Variants in IRF2 observed in about 807,000 individuals in gnomAD.
IRF2 encodes interferon regulatory factor 2.
Under a neutral mutation model 40.6 loss-of-function variants are expected in IRF2, and 15 were observed. The ratio of observed to expected loss-of-function variants is 0.37; its 90% CI spans 0.25 to 0.57. The LOEUF (loss-of-function observed/expected upper bound fraction) is 0.57. IRF2 is among the 20% of genes least tolerant of loss of function. The pLI is 0.77. For missense variants in IRF2, 317 were observed against 455.7 expected (o/e 0.70, Z 2.77); for synonymous variants, 151 against 165.5 (o/e 0.91, Z 0.67).
intron 5 of IRF2, among the ~76,000 whole-genome samples, chr4:184,414,524 T>A (rs1737192135): frequency 6.6e-6 from 1 of 152,170 alleles, no homozygotes; most frequent in Non-Finnish European, 1.5e-5. Context: ...TGTTCTTATT[T>A]CCTTAGATAA....
chr4:184,402,783 C>T (rs1026620603), intron 6 of IRF2, among the ~76,000 whole-genome samples: 6 of 152,112 alleles, frequency 3.9e-5, no homozygotes, highest in Non-Finnish European at 8.8e-5. Context: ...GCTGTGGGTG[C>T]GAGGGCTGGG....
chr4:184,458,009 A>G lies in IRF2; in HGVS notation c.-7+16370T>C, dbSNP rs958273662. Among the ~76,000 whole-genome samples the G allele has an allele frequency of 2.6e-5, 4 of 152,304 alleles. No homozygotes were observed. In the East Asian group the frequency reaches 7.7e-4, roughly 29 times the overall value. ...TTCCAGCCACCCTGGAGAGTGGTCC[A>G]TGCACCAGGAACGGAAGAAACTGTC... On this transcript the variant is annotated intron_variant, in intron 1 of 8. Coordinates refer to ENST00000393593, the MANE Select transcript of IRF2 (RefSeq NM_002199.4).
intron 7 of IRF2, among the ~76,000 whole-genome samples, chr4:184,391,153 T>C (rs1011904753): frequency 2.6e-5 from 4 of 152,218 alleles, no homozygotes; most frequent in African/African-American, 9.6e-5. Flanking sequence ...ATTATCCCCA[T>C]CCCACTCAGA....
At chr4:184,446,407 A>G (rs1738510728) in intron 1 of IRF2, among the ~76,000 whole-genome samples, 1 of 152,188 alleles carries the variant, frequency 6.6e-6, no homozygotes, top group Non-Finnish European at 1.5e-5. Flanking sequence ...TAGACACAGG[A>G]GGGAGACCAC....
At chr4:184,452,893 G>A (rs370938376) in intron 1 of IRF2, among the ~76,000 whole-genome samples, 2 of 151,754 alleles carry the variant, frequency 1.3e-5, no homozygotes, top group South Asian at 4.2e-4. Context: ...CACTATGGGA[G>A]TATAAAATAG....
chr4:184,457,867 G>C (rs1408175635), intron 1 of IRF2, among the ~76,000 whole-genome samples: 1 of 151,528 alleles, frequency 6.6e-6, no homozygotes, highest in Non-Finnish European at 1.5e-5. Context: ...AAAGAAAAAA[G>C]CTGGCTGTAT....
chr4:184,403,785 C>T (rs7655371), intron 6 of IRF2, among the ~76,000 whole-genome samples: 43,610 of 152,108 alleles, frequency 0.29, 6,459 homozygotes, highest in Middle Eastern at 0.37. Flanking sequence ...AGGCTCAGAA[C>T]TAATAGTGAC....
Position 184,418,183 on chromosome 4 carries a change from T to G in IRF2, c.395A>C (p.Lys132Thr). ...CAAGATTACCTTGATGTGCTTAACT[T>G]TGTCTTCTTTTTCTGTCTTTGGTTT... The part of the protein sequence containing the change: ...GKKPKTEKED[K>T]VKHIKQEPVE... The change falls in exon 5 of 9, where the codon AAA becomes ACA. Residue 132 changes from lysine (K) to threonine (T), a missense_variant. Physicochemically the swap from Lys to Thr is moderately conservative, Grantham distance 78. Transcript: ENST00000393593. The G allele has an allele frequency of 5.6e-6, 9 of 1,613,996 alleles. No homozygotes were observed. The highest frequency in any genetic ancestry group is 7.6e-6 in the Non-Finnish European group (9 of 1,179,830).
At chr4:184,406,232 C>T (rs1579811045) in intron 6 of IRF2, among the ~76,000 whole-genome samples, 1 of 134,422 alleles carries the variant, frequency 7.4e-6, no homozygotes. Context: ...TACTTTTTAT[C>T]TTTTTTTTTT....
chr4:184,410,610 A>G (rs1737036390), intron 5 of IRF2, among the ~76,000 whole-genome samples: 1 of 152,110 alleles, frequency 6.6e-6, no homozygotes, highest in African/African-American at 2.4e-5. Context: ...AACTCCCTCA[A>G]AAAGAACTAA....
chr4:184,439,099 T>C (rs2149908265), intron 1 of IRF2, among the ~76,000 whole-genome samples: 1 of 152,246 alleles, frequency 6.6e-6, no homozygotes, highest in African/African-American at 2.4e-5. Context: ...CTTTAGAAAG[T>C]CATAGGTTCA....
At chr4:184,463,837 G>A (rs1739228543) in intron 1 of IRF2, among the ~76,000 whole-genome samples, 1 of 152,124 alleles carries the variant, frequency 6.6e-6, no homozygotes, top group South Asian at 2.1e-4. Context: ...AAAGTCAGAG[G>A]TCACACTCTG....
chr4:184,470,199 G>A (rs565558449), intron 1 of IRF2, among the ~76,000 whole-genome samples: 1 of 152,288 alleles, frequency 6.6e-6, no homozygotes, highest in South Asian at 2.1e-4. Flanking sequence ...GTCTCATACA[G>A]ATGAAAAGAA....
At position 184,389,039 on chromosome 4, in the gene IRF2, T is replaced by G. The variant is rs200596924; in HGVS notation, c.769A>C (p.Ile257Leu). 39 of 1,614,086 alleles carry G rather than the reference T, an allele frequency of 2.4e-5. 1 individual carries two copies. Among genetic ancestry groups the G allele is most frequent in the Middle Eastern group, 3.3e-4 (2 of 6,084 alleles). The change falls in exon 9 of 9, where the codon ATT (isoleucine) becomes CTT (leucine). Residue 257 changes from isoleucine to leucine, a missense_variant. This residue lies in a region of IRF2 where 262 missense variants were observed against 334.0 expected (regional missense o/e 0.78). Transcript: ENST00000393593. Reference protein sequence around the residue: ...EGRPHWRKRNIEGKQYLSNMG... With the variant: ...EGRPHWRKRNLEGKQYLSNMG... ...TTGCTGAGGTACTGTTTGCCTTCAA[T>G]ATTCCTCTTCCGCCAGTGTGGCCGC...
At chr4:184,460,612 T>C (rs751136941) in intron 1 of IRF2, among the ~76,000 whole-genome samples, 2 of 151,790 alleles carry the variant, frequency 1.3e-5, no homozygotes, top group Non-Finnish European at 2.9e-5. Context: ...AAGTATTCAC[T>C]ATAGCCAAAC....
chr4:184,409,432 TG>T (rs1736989512), intron 5 of IRF2, among the ~76,000 whole-genome samples: 1 of 152,178 alleles, frequency 6.6e-6, no homozygotes, highest in Admixed American at 6.5e-5. Flanking sequence ...ATCACTCCAC[TG>T]TATAGCTCGG....
intron 6 of IRF2, 101 bp from the exon 7 acceptor site, chr4:184,399,180 C>G: frequency 8.2e-7 from 1 of 1,218,684 alleles, no homozygotes; most frequent in Non-Finnish European, 1.1e-6. Flanking sequence ...GGTCGCCAGG[C>G]TCCCATCACC....
intron 7 of IRF2, among the ~76,000 whole-genome samples, chr4:184,398,327 T>C (rs1736538414): frequency 6.6e-6 from 1 of 152,182 alleles, no homozygotes; most frequent in African/African-American, 2.4e-5. Flanking sequence ...GATGAACTAC[T>C]GCCCTAAAGA....
Position 184,440,209 on chromosome 4 carries a change from T to C in IRF2, c.-6-11139A>G, listed in dbSNP as rs1738251539. ...GCCACCAAGGGGTGCAGTCTCCATC[T>C]GTCAGACCATCCCCATTACCCACGG... On this transcript the variant is annotated intron_variant, in intron 1 of 8. Transcript: ENST00000393593. 3.3e-5 allele frequency among the ~76,000 whole-genome samples: 5 copies of C among 152,338 alleles called. No individual in the cohort carries two copies. The South Asian group carries it at 1.0e-3, about 32-fold the overall frequency.
Sources: gnomAD v4.1 joint callset for allele counts (sites outside exome capture counted in the v4.1 genomes callset) on GRCh38, gnomAD v4.1.1 for gene constraint, gnomAD v4.1.1 regional missense constraint, MANE v1.5 for transcripts, NCBI Gene and HGNC (gene_info 2026-07-23, HGNC 2026-07-21) for gene names.